The following ARHGAP24 variants were observed in gnomAD, a reference collection of about 807,000 sequenced individuals.
The protein encoded by ARHGAP24 is Rho GTPase activating protein 24.
In ARHGAP24, 50 loss-of-function variants were observed where a neutral mutation model predicts 76.4. The ratio of observed to expected loss-of-function variants is 0.65; its 90% confidence interval spans 0.52 to 0.83. ARHGAP24 has a LOEUF of 0.83. Ranked by LOEUF, ARHGAP24 falls within the 40% of genes least tolerant of loss-of-function variation. The pLI is 0.00. For missense variants in ARHGAP24, 930 were observed against 914.2 expected, an observed-to-expected ratio of 1.02 and a Z score of -0.22; for synonymous variants, 345 against 323.3, an observed-to-expected ratio of 1.07 and a Z score of -0.72.
chr4:85,576,451 C>T (rs575250256), intron 2 of ARHGAP24, among the ~76,000 whole-genome samples: 15 of 151,626 alleles, frequency 9.9e-5, no homozygotes, highest in African/African-American at 3.4e-4. Context: ...AAAGTAAGTT[C>T]TAATTTTATA....
chr4:85,533,467 GCAAT>G (rs1725348748), intron 1 of ARHGAP24, among the ~76,000 whole-genome samples: 1 of 152,090 alleles, frequency 6.6e-6, no homozygotes, highest in African/African-American at 2.4e-5. Flanking sequence ...CATGCATTCA[GCAAT>G]CAAAGTATGG....
chr4:85,881,992 T>C (rs375201854), intron 3 of ARHGAP24, among the ~76,000 whole-genome samples: 2 of 152,348 alleles, frequency 1.3e-5, no homozygotes, highest in South Asian at 2.1e-4. Context: ...ATTGATCATT[T>C]AGTAAAGGAA....
rs527844833 is a variant in ARHGAP24, at chr4:85,686,471, A to T, written c.181-35414A>T. The T allele has an allele frequency of 4.6e-5, 7 of 152,330 alleles. No homozygotes were observed. In the South Asian group the frequency reaches 1.4e-3, roughly 32 times the overall value. 9.4% of individuals were successfully genotyped at this position (152,330 alleles called of 1,614,324 possible). On this transcript the variant is annotated intron_variant, in intron 2 of 9. Transcript: ENST00000395184. ...AATCATGACAAAGAGGTATTTAACA[A>T]GAAAACGAAGTCCTGGGTGACTTGT...
chr4:85,927,752 A>G (rs1441401077), intron 4 of ARHGAP24, among the ~76,000 whole-genome samples: 1 of 152,166 alleles, frequency 6.6e-6, no homozygotes, highest in African/African-American at 2.4e-5. Context: ...CATTGTGGCA[A>G]TTTTTTAACC....
chr4:85,734,664 G>A (rs570204031), intron 3 of ARHGAP24, among the ~76,000 whole-genome samples: 738 of 36,382 alleles, frequency 0.02, 2 homozygotes, highest in Non-Finnish European at 0.058. Flanking sequence ...TTTTTTAGCA[G>A]CAATCACATT....
chr4:85,856,181 G>T (rs1202608979), intron 3 of ARHGAP24, among the ~76,000 whole-genome samples: 1 of 151,936 alleles, frequency 6.6e-6, no homozygotes, highest in Admixed American at 6.6e-5. Context: ...CTATTTCATT[G>T]TGGTTTGAAT....
intron 3 of ARHGAP24, among the ~76,000 whole-genome samples, chr4:85,771,516 GCT>G: frequency 6.6e-6 from 1 of 152,192 alleles, no homozygotes; most frequent in Admixed American, 6.5e-5. Context: ...TGATTCGAAG[GCT>G]AACGACTTCT....
intron 2 of ARHGAP24, among the ~76,000 whole-genome samples, chr4:85,634,603 A>G (rs1400573776): frequency 6.6e-6 from 1 of 151,886 alleles, no homozygotes; most frequent in East Asian, 1.9e-4. Flanking sequence ...TCATTCTTGC[A>G]TAAGCAAAAA....
Position 85,682,677 on chromosome 4 carries a change from C to T in ARHGAP24, c.181-39208C>T, listed in dbSNP as rs748418736. On this transcript the variant is annotated intron_variant, in intron 2 of 9. Transcript: ENST00000395184. ...AATAATCAAGAGCAAAATATTACTG[C>T]CACTTTATGCGGTTCTTTGCACTTT... Among the ~76,000 whole-genome samples the T allele has an allele frequency of 1.1e-3, 163 of 152,200 alleles. 5 individuals are homozygous for T. The highest frequency in any genetic ancestry group is 1.8e-4 in the Non-Finnish European group (12 of 68,040).
chr4:85,880,858 G>T (rs1733213614), intron 3 of ARHGAP24, among the ~76,000 whole-genome samples: 2 of 152,168 alleles, frequency 1.3e-5, no homozygotes, highest in Admixed American at 6.5e-5. Context: ...GAGGTACAAT[G>T]CAAAACTAGT....
At chr4:85,608,551 G>GTTTTTT (rs141361475) in intron 2 of ARHGAP24, among the ~76,000 whole-genome samples, 4 of 73,184 alleles carry the variant, frequency 5.5e-5, no homozygotes, top group East Asian at 4.9e-4. Context: ...TTGTTTGGTT[G>GTTTTTT]TTTTTTTTTT....
At chr4:85,527,888 A>C (rs1282466213) in intron 1 of ARHGAP24, among the ~76,000 whole-genome samples, 1 of 152,126 alleles carries the variant, frequency 6.6e-6, no homozygotes, top group Non-Finnish European at 1.5e-5. Context: ...GATAACAAAC[A>C]ATTAATTTCT....
chr4:85,901,989 C>T (rs1014582263), intron 3 of ARHGAP24, among the ~76,000 whole-genome samples: 9 of 152,060 alleles, frequency 5.9e-5, no homozygotes, highest in African/African-American at 1.9e-4. Context: ...CTCCACCCCC[C>T]AACAGGCCTT....
intron 1 of ARHGAP24, among the ~76,000 whole-genome samples, chr4:85,523,101 C>A (rs558719398): frequency 4.6e-4 from 70 of 152,254 alleles, no homozygotes; most frequent in African/African-American, 1.6e-3. Flanking sequence ...ATAATGTTAG[C>A]TATTTTCTCC....
chr4:85,685,061 T>A (rs765278211), intron 2 of ARHGAP24, among the ~76,000 whole-genome samples: 7 of 152,184 alleles, frequency 4.6e-5, no homozygotes, highest in Non-Finnish European at 1.0e-4. Context: ...ATTCAGTAAG[T>A]CTTGCCTCCT....
intron 3 of ARHGAP24, among the ~76,000 whole-genome samples, chr4:85,855,944 T>C (rs1472168705): frequency 1.3e-5 from 2 of 152,182 alleles, no homozygotes; most frequent in African/African-American, 2.4e-5. Context: ...TTGATGGAAT[T>C]TGAACTATTA....
At chr4:85,997,628 G>GTTTGTAACTT (rs146260996) in intron 9 of ARHGAP24, among the ~76,000 whole-genome samples, 1 of 150,900 alleles carries the variant, frequency 6.6e-6, no homozygotes, top group African/African-American at 2.4e-5. Context: ...CTCCAAATTG[G>GTTTGTAACTT]TTTCTAACTT....
intron 1 of ARHGAP24, among the ~76,000 whole-genome samples, chr4:85,503,745 T>C (rs1578189787): frequency 6.6e-6 from 1 of 152,228 alleles, no homozygotes; most frequent in Non-Finnish European, 1.5e-5. Context: ...TAGTTATTTC[T>C]TACCGTCTGC....
chr4:85,995,455 C>T lies in ARHGAP24; in HGVS notation c.1801C>T (p.Leu601Phe). 6.2e-7 allele frequency: 1 copy of T among 1,606,522 alleles called. No homozygotes were observed. The highest frequency in any genetic ancestry group is 8.5e-7 in the Non-Finnish European group (1 of 1,175,072). The part of the protein sequence containing the change: ...PVLDGPPQDD[L>F]SHPRDYESKS... The stretch of plus-strand genomic sequence containing the variant: ...TTTGGATGGGCCCCCGCAGGACGAC[C>T]TTTCCCACCCCAGGGACTATGAAAG... The change falls in exon 9 of 10, where the codon CTT (leucine) becomes TTT (phenylalanine). Residue 601 changes from leucine to phenylalanine, a missense_variant. Leu to Phe is a conservative substitution (Grantham distance 22, BLOSUM62 0). Coordinates refer to ENST00000395184, the MANE Select transcript of ARHGAP24 (RefSeq NM_001025616.3).
Sources: allele counts gnomAD v4.1 joint callset (sites outside exome capture counted in the v4.1 genomes callset), GRCh38; gene constraint gnomAD v4.1.1; transcripts MANE v1.5; gene names NCBI Gene and HGNC (gene_info 2026-07-23, HGNC 2026-07-21).